ZFP64: variants seen among roughly 807,000 people sequenced by gnomAD.
ZFP64 encodes the protein ZFP64 zinc finger protein.
Under a neutral mutation model 51.6 loss-of-function variants are expected in ZFP64, and 14 were observed. That is an observed-to-expected ratio of 0.27 (90% CI 0.18 to 0.42). The LOEUF (loss-of-function observed/expected upper bound fraction) is 0.42. Ranked by LOEUF, ZFP64 falls within the 10% of genes least tolerant of loss-of-function variation. The pLI, the probability that ZFP64 is intolerant of heterozygous loss-of-function variation, is 1.00. For synonymous variants in ZFP64, 375 were observed against 361.4 expected (o/e 1.04, Z -0.43); for missense variants, 754 against 906.8 (o/e 0.83, Z 2.16).
At chr20:52,175,864 G>GGCC in intron 2 of ZFP64, 1 of 256,920 alleles carries the variant, frequency 3.9e-6, no homozygotes, top group South Asian at 1.7e-4. Flanking sequence ...CCCCGCTGCC[G>GGCC]CCCCCGCCCC....
At chr20:52,115,217 A>C (rs1022907288) in intron 5 of ZFP64, among the ~76,000 whole-genome samples, 2 of 146,510 alleles carry the variant, frequency 1.4e-5, no homozygotes, top group African/African-American at 4.9e-5. Flanking sequence ...AAAAAAAAAG[A>C]AACACCAGGC....
At chr20:52,111,876 G>C (rs1295717849) in intron 5 of ZFP64, among the ~76,000 whole-genome samples, 3 of 151,980 alleles carry the variant, frequency 2.0e-5, no homozygotes, top group Non-Finnish European at 4.4e-5. Flanking sequence ...GAGGTCAGAA[G>C]TTTGAGACCA....
rs76725362 is a variant in ZFP64 at position 52,129,769 on chromosome 20, G to C, written c.763+30354C>G. 2.2e-4 allele frequency among the ~76,000 whole-genome samples: 34 copies of C among 152,280 alleles called. No homozygotes were observed. In the East Asian group the frequency reaches 4.1e-3, roughly 18 times the overall value. ...CTGTATCCCATTAAAGCACATATGT[G>C]TTGTGACAACTCGCCTGTCTGCCTA... is the stretch of plus-strand genomic sequence containing the variant. On this transcript the variant is annotated intron_variant, in intron 5 of 8. Coordinates refer to the ZFP64 transcript ENST00000361387.
chr20:52,102,380 G>C (rs1194286936), intron 5 of ZFP64, among the ~76,000 whole-genome samples: 1 of 152,098 alleles, frequency 6.6e-6, no homozygotes, highest in Non-Finnish European at 1.5e-5. Flanking sequence ...CAAGTTCCCA[G>C]TTGATGCCGA....
downstream of ZFP64, among the ~76,000 whole-genome samples, chr20:52,148,662 C>T (rs539574472): frequency 1.7e-4 from 25 of 150,024 alleles, no homozygotes; most frequent in African/African-American, 5.7e-4. Context: ...GATCGCGCCA[C>T]GGCACTCCAG....
At chr20:52,115,054 A>C (rs763744426) in intron 5 of ZFP64, among the ~76,000 whole-genome samples, 4 of 152,032 alleles carry the variant, frequency 2.6e-5, no homozygotes, top group Admixed American at 6.6e-5. Context: ...AAACAAAAAA[A>C]ATTAGCCAGG....
intron 2 of ZFP64, among the ~76,000 whole-genome samples, chr20:52,172,498 C>T (rs1982837566): frequency 6.6e-6 from 1 of 151,964 alleles, no homozygotes; most frequent in South Asian, 2.1e-4. Flanking sequence ...TATCTGTATT[C>T]AGGTTTGGCA....
In ZFP64 at chr20:52,191,333, C is replaced by T. The variant is rs1221711674; in HGVS notation, c.46+258G>A. 6.6e-6 allele frequency among the ~76,000 whole-genome samples: 1 copy of T among 152,196 alleles called. No homozygotes were observed. Among genetic ancestry groups the T allele is most frequent in the African/African-American group, 2.4e-5 (1 of 41,456 alleles). ...ATTGTCTGAACGGCGTGCCCTCCCCCACTGTTCCCTTCCAAGGGGTCTCGC... is the reference window on the plus strand; with the variant it reads ...ATTGTCTGAACGGCGTGCCCTCCCCTACTGTTCCCTTCCAAGGGGTCTCGC... On this transcript the variant is annotated intron_variant, in intron 1 of 5. Transcript: ENST00000216923. The surrounding 1 kb of genome is among the most constrained non-coding windows in gnomAD (Gnocchi z 4.3).
intron 5 of ZFP64, among the ~76,000 whole-genome samples, chr20:52,103,485 T>C (rs1353687012): frequency 2.0e-5 from 3 of 151,972 alleles, no homozygotes; most frequent in African/African-American, 4.8e-5. Context: ...TGCGTCCTGC[T>C]CCCACAGAAG....
At chr20:52,100,723 A>C (rs575104086) in intron 5 of ZFP64, among the ~76,000 whole-genome samples, 1 of 152,358 alleles carries the variant, frequency 6.6e-6, no homozygotes, top group African/African-American at 2.4e-5. Flanking sequence ...AGTTTTAGGC[A>C]GAGGGTTTGC....
Position 52,119,553 on chromosome 20 carries a change from T to TATATATAC in ZFP64, c.764-20967_764-20966insGTATATAT, listed in dbSNP as rs1555802529. On this transcript the variant is annotated intron_variant, in intron 5 of 8. Transcript: ENST00000361387. ...AAAAAAATATATATATATATATATA[T>TATATATAC]ACATATATATATATACACACACAAC... is the stretch of plus-strand genomic sequence containing the variant. 7.7e-4 allele frequency among the ~76,000 whole-genome samples: 65 copies of TATATATAC among 84,018 alleles called. 1 individual carries two copies. The highest frequency in any genetic ancestry group is 2.1e-3 in the Admixed American group (18 of 8,380). 55.1% of individuals were successfully genotyped at this position (84,018 alleles called of 152,430 possible). A position where few individuals can be genotyped will look rare whatever the true frequency, so the allele number is the denominator to read the frequency against.
chr20:52,141,200 CAT>C (rs1980239816), intron 5 of ZFP64, among the ~76,000 whole-genome samples: 1 of 152,222 alleles, frequency 6.6e-6, no homozygotes, highest in African/African-American at 2.4e-5. Context: ...TGCCTGCTAA[CAT>C]AACCTCCATT....
At chr20:52,112,613 C>T (rs977290531) in intron 5 of ZFP64, among the ~76,000 whole-genome samples, 1 of 137,526 alleles carries the variant, frequency 7.3e-6, no homozygotes, top group African/African-American at 2.5e-5. Context: ...TGTTCTCCTT[C>T]CTTTTTTTTT....
In ZFP64 at chr20:52,186,905, C is replaced by T. The variant is rs36027430; in HGVS notation, c.213G>A (p.Ser71=). The change falls in exon 2 of 6, where the codon TCG becomes TCA. Residue 71 remains serine (S), a synonymous_variant. Coordinates refer to ENST00000216923, the MANE Select transcript of ZFP64 (RefSeq NM_018197.3). ...TCTGGGTGGCAGGCACTGTTTCCTCCGATACAAACTGGACCGTGCTGGGGG... is the reference window on the plus strand; with the variant it reads ...TCTGGGTGGCAGGCACTGTTTCCTCTGATACAAACTGGACCGTGCTGGGGG... ...AAAPSTVQFV[S]EETVPATQTQ... 0.078 allele frequency: 125,655 copies of T among 1,613,638 alleles called. 7,148 individuals carry two copies. The highest frequency in any genetic ancestry group is 0.28 in the African/African-American group (21,128 of 74,916).
intron 5 of ZFP64, among the ~76,000 whole-genome samples, chr20:52,124,894 A>G (rs898194141): frequency 2.6e-5 from 4 of 151,958 alleles, no homozygotes; most frequent in African/African-American, 4.8e-5. Context: ...ATGAGCCACC[A>G]TGCCCGGCCT....
intron 5 of ZFP64, among the ~76,000 whole-genome samples, chr20:52,103,728 C>T (rs944478513): frequency 2.0e-5 from 3 of 152,212 alleles, no homozygotes; most frequent in Non-Finnish European, 4.4e-5. Flanking sequence ...CAGCAAGAGC[C>T]CCGCCCCTCG....
At chr20:52,091,270 G>A (rs1355528011) in intron 7 of ZFP64, among the ~76,000 whole-genome samples, 1 of 150,552 alleles carries the variant, frequency 6.6e-6, no homozygotes, top group Non-Finnish European at 1.5e-5. Flanking sequence ...GGCCAAGGCA[G>A]GAGGATTGCT....
chr20:52,108,001 G>A (rs1270350656), intron 5 of ZFP64, among the ~76,000 whole-genome samples: 1 of 152,198 alleles, frequency 6.6e-6, no homozygotes, highest in Non-Finnish European at 1.5e-5. Context: ...TGAGGTTGGT[G>A]GATCACTTGA....
intron 6 of ZFP64, chr20:52,098,326 C>A: frequency 6.9e-7 from 1 of 1,449,966 alleles, no homozygotes. Context: ...TAGATACTGG[C>A]ATGTTGTCAG....
Sources: allele counts gnomAD v4.1 joint callset (sites outside exome capture counted in the v4.1 genomes callset), GRCh38; gene constraint gnomAD v4.1.1; non-coding constraint Gnocchi (gnomAD v3.1); transcripts MANE v1.5; gene names NCBI Gene and HGNC (gene_info 2026-07-23, HGNC 2026-07-21).